KCNQ5: variants seen among roughly 807,000 people sequenced by gnomAD.
The protein encoded by KCNQ5 is potassium voltage-gated channel subfamily Q member 5.
KCNQ5 carries 30 observed loss-of-function variants against 98.2 expected under a neutral mutation model. The ratio of observed to expected loss-of-function variants is 0.31; its 90% confidence interval spans 0.23 to 0.41. The LOEUF is 0.41. Among genes scored for constraint, KCNQ5 ranks in the 10% least tolerant of loss-of-function variants. The pLI is 1.00. For missense variants in KCNQ5, 835 were observed against 1,182.5 expected (o/e 0.71, Z 4.31); for synonymous variants, 458 against 449.4 (o/e 1.02, Z -0.24).
chr6:73,151,521 T>C (rs946535634), intron 10 of KCNQ5, among the ~76,000 whole-genome samples: 1 of 152,264 alleles, frequency 6.6e-6, no homozygotes, highest in African/African-American at 2.4e-5. Context: ...GCACTATGGT[T>C]GTTTCTTACC....
At chr6:73,090,640 T>A (rs1774205851) in intron 5 of KCNQ5, among the ~76,000 whole-genome samples, 1 of 152,174 alleles carries the variant, frequency 6.6e-6, no homozygotes, top group South Asian at 2.1e-4. Flanking sequence ...GCTAGCCAAT[T>A]ATCCCAGCAC....
chr6:72,918,963 G>A (rs545576554), intron 1 of KCNQ5, among the ~76,000 whole-genome samples: 25 of 152,144 alleles, frequency 1.6e-4, no homozygotes, highest in Admixed American at 7.8e-4. Flanking sequence ...GTCTTCTCTC[G>A]TCTTCTTTTC....
At chr6:73,078,907 C>T (rs1209549779) in intron 5 of KCNQ5, among the ~76,000 whole-genome samples, 2 of 152,112 alleles carry the variant, frequency 1.3e-5, no homozygotes, top group Admixed American at 6.5e-5. Flanking sequence ...GGAGCTATGC[C>T]GTAATAAGAA....
chr6:72,858,486 T>G (rs1342532049), intron 1 of KCNQ5, among the ~76,000 whole-genome samples: 3 of 151,780 alleles, frequency 2.0e-5, no homozygotes, highest in African/African-American at 7.2e-5. Flanking sequence ...TTATATATAT[T>G]TATATTTTTC....
chr6:72,973,470 G>A (rs1317099018), intron 1 of KCNQ5, among the ~76,000 whole-genome samples: 1 of 151,950 alleles, frequency 6.6e-6, no homozygotes, highest in Non-Finnish European at 1.5e-5. Context: ...AATTATTATG[G>A]AAAATAATTT....
intron 1 of KCNQ5, among the ~76,000 whole-genome samples, chr6:72,843,980 G>C (rs1484138069): frequency 1.3e-5 from 2 of 152,104 alleles, no homozygotes; most frequent in Non-Finnish European, 2.9e-5. Flanking sequence ...CACAGGGAGG[G>C]GAACATCACA....
At chr6:73,147,570 A>G (rs1359266554) in intron 10 of KCNQ5, among the ~76,000 whole-genome samples, 2 of 152,152 alleles carry the variant, frequency 1.3e-5, no homozygotes. Flanking sequence ...CAGTGGAAAT[A>G]CTGCCTTTGT....
At chr6:72,661,392 T>C (rs1766516986) in intron 1 of KCNQ5, among the ~76,000 whole-genome samples, 1 of 152,080 alleles carries the variant, frequency 6.6e-6, no homozygotes, top group African/African-American at 2.4e-5. Context: ...GTTTCACAAT[T>C]ATACAATTAA....
intron 1 of KCNQ5, among the ~76,000 whole-genome samples, chr6:72,690,090 T>A (rs141591478): frequency 0.01 from 1,567 of 152,110 alleles, 28 homozygotes; most frequent in African/African-American, 0.035. Context: ...CTGGCTAACA[T>A]GGTGAAACCC....
chr6:72,655,076 C>CTGTT (rs1766105486), intron 1 of KCNQ5, among the ~76,000 whole-genome samples: 1 of 146,954 alleles, frequency 6.8e-6, no homozygotes, highest in African/African-American at 2.5e-5. Context: ...TTCTTTCTTT[C>CTGTT]TTTCTTTCTT....
In KCNQ5 at chr6:73,055,781, C is replaced by T. The variant is rs1051454487; in HGVS notation, c.616+13719C>T. The T allele has an allele frequency of 8.0e-5, 74 of 921,564 alleles. No homozygotes were observed. The Admixed American group carries it at 1.1e-3, about 14-fold the overall frequency. The allele number at this position is 921,564 out of a possible 1,614,324, so 57.1% of individuals were successfully genotyped here. On this transcript the variant is annotated intron_variant, in intron 3 of 13. Coordinates refer to ENST00000370398, the MANE Select transcript of KCNQ5 (RefSeq NM_019842.4). ...CTTGAAGCCCATCAAGCCCAGCCCA[C>T]GCAGTTCCTAGGGGATGAAGAGACC...
chr6:73,162,692 T>C (rs1777659535), intron 10 of KCNQ5, among the ~76,000 whole-genome samples: 2 of 152,188 alleles, frequency 1.3e-5, no homozygotes, highest in Admixed American at 1.3e-4. Context: ...GGAAATAAAA[T>C]TGACAACTCA....
intron 1 of KCNQ5, among the ~76,000 whole-genome samples, chr6:72,658,156 A>G (rs1310169749): frequency 1.3e-5 from 2 of 152,244 alleles, no homozygotes; most frequent in Non-Finnish European, 2.9e-5. Context: ...TTGAGAGAAT[A>G]AATGCCCAGG....
At chr6:72,823,845 A>G (rs555976042) in intron 1 of KCNQ5, among the ~76,000 whole-genome samples, 1 of 152,350 alleles carries the variant, frequency 6.6e-6, no homozygotes, top group African/African-American at 2.4e-5. Flanking sequence ...TGCAGACAAC[A>G]CATTCAAATA....
chr6:72,957,078 C>T (rs576316683), intron 1 of KCNQ5, among the ~76,000 whole-genome samples: 2 of 151,768 alleles, frequency 1.3e-5, no homozygotes, highest in Non-Finnish European at 2.9e-5. Flanking sequence ...TGCTTCACTT[C>T]GCCTTGTGGG....
chr6:72,736,103 A>ACACC (rs1770817398), intron 1 of KCNQ5, among the ~76,000 whole-genome samples: 1 of 151,774 alleles, frequency 6.6e-6, no homozygotes, highest in African/African-American at 2.4e-5. Context: ...ACACACACAC[A>ACACC]CACACACGGA....
intron 2 of KCNQ5, among the ~76,000 whole-genome samples, chr6:73,019,325 C>G (rs1282559627): frequency 1.3e-5 from 2 of 152,104 alleles, no homozygotes; most frequent in African/African-American, 4.8e-5. Flanking sequence ...AAGCCCTGTT[C>G]TTTTTAGTGT....
At chr6:73,192,135 C>T (rs551731133) in intron 12 of KCNQ5, among the ~76,000 whole-genome samples, 5 of 152,196 alleles carry the variant, frequency 3.3e-5, no homozygotes, top group Non-Finnish European at 7.3e-5. Flanking sequence ...CCAACTTGAA[C>T]TCCGAAAGAA....
chr6:72,732,296 AGTAGG>A (rs1262015167), intron 1 of KCNQ5, among the ~76,000 whole-genome samples: 1 of 152,040 alleles, frequency 6.6e-6, no homozygotes, highest in African/African-American at 2.4e-5. Flanking sequence ...AGGAAGCCTG[AGTAGG>A]GGAGTAGCAT....
Sources: allele counts gnomAD v4.1 joint callset (sites outside exome capture counted in the v4.1 genomes callset), GRCh38; gene constraint gnomAD v4.1.1; transcripts MANE v1.5; gene names NCBI Gene and HGNC (gene_info 2026-07-23, HGNC 2026-07-21).